The following PLCL2 variants were observed in gnomAD, a reference collection of about 807,000 sequenced individuals.
PLCL2 encodes the protein inactive phospholipase C-like protein 2.
A neutral mutation model predicts 79.6 loss-of-function variants in PLCL2; 4 were observed. That is an observed-to-expected ratio of 0.05 (90% confidence interval 0.02 to 0.11). The LOEUF is 0.11. Ranked by LOEUF, PLCL2 falls within the 10% of genes least tolerant of loss-of-function variation. PLCL2 has a pLI of 1.00. For missense variants in PLCL2, 895 were observed against 1,291.0 expected, an observed-to-expected ratio of 0.69 and a Z score of 4.70; for synonymous variants, 484 against 457.7, an observed-to-expected ratio of 1.06 and a Z score of -0.73.
At chr3:17,034,563 C>G in intron 3 of PLCL2, among the ~76,000 whole-genome samples, 1 of 152,172 alleles carries the variant, frequency 6.6e-6, no homozygotes, top group East Asian at 1.9e-4. Flanking sequence ...TGACTACTGT[C>G]ACGAATTCAC....
intron 3 of PLCL2, among the ~76,000 whole-genome samples, chr3:17,020,494 T>C (rs2064438011): frequency 6.6e-6 from 1 of 152,180 alleles, no homozygotes. Context: ...CGTGAATTCA[T>C]TCTTGTCATT....
chr3:17,020,140 C>A (rs2064432164), intron 3 of PLCL2, among the ~76,000 whole-genome samples: 2 of 152,112 alleles, frequency 1.3e-5, no homozygotes, highest in Non-Finnish European at 2.9e-5. Context: ...AGATTTACCA[C>A]CTGTTTTAAA....
chr3:17,023,586 A>G (rs1171664402), intron 3 of PLCL2, among the ~76,000 whole-genome samples: 1 of 152,096 alleles, frequency 6.6e-6, no homozygotes, highest in African/African-American at 2.4e-5. Context: ...TTCTGCCATG[A>G]TTGTGAGACC....
chr3:16,965,302 G>C lies in PLCL2; in HGVS notation c.328-44372G>C, dbSNP rs1197856962. On this transcript the variant is annotated intron_variant, in intron 1 of 5. Transcript: ENST00000615277. ...ATCCTTTCTCCCGTTTCTTGTTTTT[G>C]TCAGGTTTGTCAAAGATCAGATGGT... Among the ~76,000 whole-genome samples, 9 of 152,184 alleles carry C rather than the reference G, an allele frequency of 5.9e-5. No homozygotes were observed. The South Asian group carries it at 6.2e-4, about 11-fold the overall frequency.
At chr3:17,015,691 G>A (rs1403817004) in intron 3 of PLCL2, among the ~76,000 whole-genome samples, 2 of 152,156 alleles carry the variant, frequency 1.3e-5, no homozygotes, top group Non-Finnish European at 2.9e-5. Flanking sequence ...GTACTTGGGG[G>A]TGAGTACCTC....
intron 1 of PLCL2, among the ~76,000 whole-genome samples, chr3:16,980,478 C>T (rs1377835113): frequency 4.0e-5 from 6 of 149,770 alleles, no homozygotes; most frequent in African/African-American, 1.2e-4. Flanking sequence ...CGGGCAGAGA[C>T]GCTCCTCACA....
chr3:17,001,333 C>T (rs774491773), intron 1 of PLCL2, among the ~76,000 whole-genome samples: 12 of 151,980 alleles, frequency 7.9e-5, no homozygotes, highest in Non-Finnish European at 1.5e-4. Flanking sequence ...TCTTTTCACT[C>T]TGTTGATTGT....
intron 1 of PLCL2, among the ~76,000 whole-genome samples, chr3:16,981,506 A>C (rs866505529): frequency 6.6e-6 from 1 of 152,164 alleles, no homozygotes; most frequent in Non-Finnish European, 1.5e-5. Flanking sequence ...ATAGTAATCA[A>C]GTTTTCTGTG....
intron 4 of PLCL2, among the ~76,000 whole-genome samples, chr3:17,056,018 A>G (rs764095393): frequency 5.9e-5 from 9 of 152,106 alleles, no homozygotes; most frequent in Admixed American, 3.9e-4. Flanking sequence ...TTAAATCCCA[A>G]CACTGTGCTC....
intron 1 of PLCL2, among the ~76,000 whole-genome samples, chr3:16,971,381 A>G (rs1024293506): frequency 3.9e-5 from 6 of 152,166 alleles, no homozygotes; most frequent in South Asian, 4.1e-4. Context: ...GTAGATATGC[A>G]GCGTTATTTC....
intron 1 of PLCL2, among the ~76,000 whole-genome samples, chr3:16,947,392 T>C (rs1285892536): frequency 2.0e-5 from 3 of 152,200 alleles, no homozygotes; most frequent in Non-Finnish European, 4.4e-5. Flanking sequence ...GGAGAAGCGA[T>C]GGTGCAGTTG....
chr3:16,944,671 T>G (rs2063583837), intron 1 of PLCL2, among the ~76,000 whole-genome samples: 1 of 152,090 alleles, frequency 6.6e-6, no homozygotes, highest in African/African-American at 2.4e-5. Flanking sequence ...ACCTTAATCT[T>G]GGACTTGCAG....
chr3:16,978,596 A>G (rs1294468874), intron 1 of PLCL2, among the ~76,000 whole-genome samples: 3 of 152,200 alleles, frequency 2.0e-5, no homozygotes, highest in Non-Finnish European at 4.4e-5. Context: ...ATCACCACTG[A>G]AAGGGAGATA....
chr3:16,976,200 G>A (rs769068735), intron 1 of PLCL2, among the ~76,000 whole-genome samples: 8 of 152,268 alleles, frequency 5.3e-5, no homozygotes, highest in South Asian at 4.2e-4. Flanking sequence ...ATATTTGTGC[G>A]TGTATATATG....
intron 1 of PLCL2, among the ~76,000 whole-genome samples, chr3:16,977,398 G>A (rs2124983958): frequency 6.6e-6 from 1 of 152,156 alleles, no homozygotes; most frequent in East Asian, 1.9e-4. Flanking sequence ...TCCCTTCATA[G>A]TCACTCTGGA....
chr3:16,918,201 A>G (rs975154205), intron 1 of PLCL2, among the ~76,000 whole-genome samples: 9 of 152,206 alleles, frequency 5.9e-5, no homozygotes, highest in African/African-American at 2.2e-4. Flanking sequence ...ACAGATTATC[A>G]CTGTGAACTT....
At chr3:16,905,807 A>G (rs556803312) in intron 1 of PLCL2, among the ~76,000 whole-genome samples, 2 of 152,332 alleles carry the variant, frequency 1.3e-5, no homozygotes, top group African/African-American at 4.8e-5. Context: ...CAGGGAGCCT[A>G]TTAGTTGTGT....
intron 1 of PLCL2, among the ~76,000 whole-genome samples, chr3:16,946,217 G>A (rs1310464065): frequency 6.6e-6 from 1 of 152,096 alleles, no homozygotes; most frequent in Non-Finnish European, 1.5e-5. Flanking sequence ...TAAATAGCGG[G>A]AAATGAGAAG....
chr3:16,910,370 T>C (rs1696849472), intron 1 of PLCL2, among the ~76,000 whole-genome samples: 1 of 152,144 alleles, frequency 6.6e-6, no homozygotes, highest in African/African-American at 2.4e-5. Context: ...CAAGTCAGTT[T>C]GCAGTCCTCC....
Sources: allele counts gnomAD v4.1 joint callset (sites outside exome capture counted in the v4.1 genomes callset), GRCh38; gene constraint gnomAD v4.1.1; transcripts MANE v1.5; gene names NCBI Gene and HGNC (gene_info 2026-07-23, HGNC 2026-07-21).